THSD7B: variants seen among roughly 807,000 people sequenced by gnomAD.
The protein encoded by THSD7B is thrombospondin type 1 domain containing 7B, also known as thrombospondin type-1 domain-containing protein 7B.
THSD7B carries 138 observed loss-of-function variants against 213.6 expected under a neutral mutation model. The observed-to-expected ratio is 0.65, with a 90% CI of 0.56 to 0.74. The LOEUF (loss-of-function observed/expected upper bound fraction) is 0.74, where lower values mean the gene tolerates loss of function less well. Ranked by LOEUF, THSD7B falls within the 30% of genes least tolerant of loss-of-function variation. The pLI, the probability that THSD7B is intolerant of heterozygous loss-of-function variation, is 0.00. For synonymous variants in THSD7B, 742 were observed against 687.0 expected (o/e 1.08, Z -1.25); for missense variants, 1,931 against 1,991.5 (o/e 0.97, Z 0.58).
intron 15 of THSD7B, among the ~76,000 whole-genome samples, chr2:137,481,721 G>T (rs555538304): frequency 3.9e-5 from 6 of 152,278 alleles, no homozygotes; most frequent in South Asian, 4.1e-4. Flanking sequence ...GATATAGTTT[G>T]CCAACCCACA....
chr2:137,075,423 G>A (rs1687598910), intron 3 of THSD7B, among the ~76,000 whole-genome samples: 2 of 152,238 alleles, frequency 1.3e-5, no homozygotes, highest in Middle Eastern at 6.8e-3. Context: ...TCGTGCCTTG[G>A]TTTTCAGCTC....
intron 12 of THSD7B, among the ~76,000 whole-genome samples, chr2:137,335,290 G>A (rs905107650): frequency 2.6e-5 from 4 of 152,064 alleles, no homozygotes; most frequent in Non-Finnish European, 4.4e-5. Context: ...TCTTACGAGC[G>A]CACAAAAATA....
chr2:137,302,650 G>A (rs1408451204), intron 12 of THSD7B, among the ~76,000 whole-genome samples: 2 of 152,130 alleles, frequency 1.3e-5, no homozygotes, highest in East Asian at 3.9e-4. Flanking sequence ...GCAGTTAAAG[G>A]AGTGTTCTTT....
intron 7 of THSD7B, among the ~76,000 whole-genome samples, chr2:137,191,999 A>G (rs1403503383): frequency 2.6e-5 from 4 of 152,174 alleles, no homozygotes; most frequent in Non-Finnish European, 4.4e-5. Context: ...TAAGATGAAT[A>G]TACCAATAAC....
intron 4 of THSD7B, among the ~76,000 whole-genome samples, chr2:137,111,953 G>C (rs1469593597): frequency 6.6e-6 from 1 of 152,178 alleles, no homozygotes; most frequent in African/African-American, 2.4e-5. Context: ...AGGCATCAGA[G>C]TTGGGAGATG....
intron 2 of THSD7B, among the ~76,000 whole-genome samples, chr2:136,989,153 G>A (rs1685720208): frequency 1.3e-5 from 2 of 152,164 alleles, no homozygotes; most frequent in African/African-American, 4.8e-5. Context: ...TTGTTAGATG[G>A]GTATTCCCAG....
chr2:136,992,029 C>T (rs570998344), intron 2 of THSD7B, among the ~76,000 whole-genome samples: 6 of 152,290 alleles, frequency 3.9e-5, no homozygotes, highest in East Asian at 1.9e-4. Flanking sequence ...TACAAAGTCA[C>T]GTTCATGAAA....
chr2:137,328,213 T>G (rs1684415571), intron 12 of THSD7B, among the ~76,000 whole-genome samples: 1 of 152,174 alleles, frequency 6.6e-6, no homozygotes, highest in Admixed American at 6.5e-5. Flanking sequence ...TGGCTAATAT[T>G]TTCATTAAAT....
intron 2 of THSD7B, among the ~76,000 whole-genome samples, chr2:136,935,561 G>A (rs1021779245): frequency 3.9e-5 from 6 of 152,116 alleles, no homozygotes; most frequent in Non-Finnish European, 5.9e-5. Flanking sequence ...CAATGGGTGA[G>A]TTTAGGGGCA....
chr2:136,940,856 C>T (rs1320537561), intron 2 of THSD7B, among the ~76,000 whole-genome samples: 1 of 143,058 alleles, frequency 7.0e-6, no homozygotes, highest in Admixed American at 7.0e-5. Context: ...TTCTTCCATT[C>T]TTAGTTGTTT....
chr2:136,917,504 A>G (rs1684368216), intron 2 of THSD7B, among the ~76,000 whole-genome samples: 1 of 152,200 alleles, frequency 6.6e-6, no homozygotes. Flanking sequence ...ACTTTTAACC[A>G]GAATTGAGCA....
chr2:137,125,057 G>A (rs1322075551), intron 5 of THSD7B, among the ~76,000 whole-genome samples: 31 of 152,050 alleles, frequency 2.0e-4, no homozygotes, highest in Admixed American at 2.0e-3. Context: ...CTCAGTTCTG[G>A]ACACAGCCAT....
chr2:136,959,859 G>A (rs1685187462), intron 2 of THSD7B, among the ~76,000 whole-genome samples: 1 of 152,170 alleles, frequency 6.6e-6, no homozygotes, highest in African/African-American at 2.4e-5. Flanking sequence ...ACTCTGGAGG[G>A]GGATTTCAGA....
At chr2:137,431,705 T>C (rs1687189020) in intron 14 of THSD7B, among the ~76,000 whole-genome samples, 2 of 151,992 alleles carry the variant, frequency 1.3e-5, no homozygotes, top group Non-Finnish European at 2.9e-5. Context: ...ACCCCATAGA[T>C]AGGATTTTGG....
chr2:137,108,951 A>T (rs1573828136), intron 4 of THSD7B, among the ~76,000 whole-genome samples: 2 of 152,228 alleles, frequency 1.3e-5, no homozygotes, highest in African/African-American at 4.8e-5. Flanking sequence ...CTAAGAATTC[A>T]GTGCCAGGAA....
chr2:136,890,303 C>CCT (rs1553455794), intron 2 of THSD7B, among the ~76,000 whole-genome samples: 165 of 5,166 alleles, frequency 0.032, 48 homozygotes, highest in Admixed American at 0.081. Flanking sequence ...ATGTCCTACT[C>CCT]CTTCTTCTTC....
intron 15 of THSD7B, among the ~76,000 whole-genome samples, chr2:137,530,191 G>A (rs1426565506): frequency 6.6e-6 from 1 of 152,038 alleles, no homozygotes; most frequent in Non-Finnish European, 1.5e-5. Context: ...GCAATACGTA[G>A]AGAAGCTCTA....
intron 1 of THSD7B, among the ~76,000 whole-genome samples, chr2:136,871,210 A>C (rs138103886): frequency 6.6e-6 from 1 of 152,174 alleles, no homozygotes; most frequent in Non-Finnish European, 1.5e-5. Flanking sequence ...CCAAATGCAG[A>C]TGTTCAGTGG....
chr2:137,140,492 C>T (rs1022842801), intron 5 of THSD7B, among the ~76,000 whole-genome samples: 1 of 152,076 alleles, frequency 6.6e-6, no homozygotes, highest in Admixed American at 6.6e-5. Context: ...ACAGATACCA[C>T]CAAAATTTCC....
Sources: gnomAD v4.1 joint callset for allele counts (sites outside exome capture counted in the v4.1 genomes callset) on GRCh38, gnomAD v4.1.1 for gene constraint, MANE v1.5 for transcripts, NCBI Gene and HGNC (gene_info 2026-07-23, HGNC 2026-07-21) for gene names.